Variants in ZFHX4 observed in about 807,000 individuals in gnomAD.
ZFHX4 encodes the protein zinc finger homeobox protein 4.
A neutral mutation model predicts 267.6 loss-of-function variants in ZFHX4; 56 were observed. The observed-to-expected ratio is 0.21, with a 90% CI of 0.17 to 0.26. The LOEUF is 0.26. ZFHX4 is among the 10% of genes least tolerant of loss of function. The pLI is 1.00. For synonymous variants in ZFHX4, 1,778 were observed against 1,665.6 expected, an observed-to-expected ratio of 1.07 and a Z score of -1.64; for missense variants, 4,332 against 4,420.0, an observed-to-expected ratio of 0.98 and a Z score of 0.56.
rs373999113 is a variant in ZFHX4 at position 76,825,422 on chromosome 8, A to G, written c.3326-7916A>G. Among the ~76,000 whole-genome samples the G allele has an allele frequency of 5.9e-4, 90 of 152,358 alleles. No homozygotes were observed. In the Middle Eastern group the frequency reaches 0.02, roughly 35 times the overall value. On this transcript the variant is annotated intron_variant, in intron 4 of 10. Coordinates refer to ENST00000651372, the MANE Select transcript of ZFHX4 (RefSeq NM_024721.5). ...GTATATGGATTTGGTTCTTAACTCC[A>G]TGGCGTTTCTTCCTTGCTCGAAGAG...
intron 3 of ZFHX4, among the ~76,000 whole-genome samples, chr8:76,771,632 T>C (rs7822817): frequency 6.6e-6 from 1 of 151,772 alleles, no homozygotes; most frequent in Non-Finnish European, 1.5e-5. Flanking sequence ...AAGAGATGGG[T>C]TCTCACTTTC....
At chr8:76,750,017 A>C (rs1809572494) in intron 3 of ZFHX4, among the ~76,000 whole-genome samples, 1 of 152,164 alleles carries the variant, frequency 6.6e-6, no homozygotes, top group Non-Finnish European at 1.5e-5. Context: ...TGATAATGTG[A>C]GATTTTTAAA....
Position 76,850,895 on chromosome 8 carries a change from C to G in ZFHX4, c.3974C>G (p.Pro1325Arg), listed in dbSNP as rs760767919. 3 of 1,603,296 alleles carry G rather than the reference C, an allele frequency of 1.9e-6. No homozygotes were observed. The highest frequency in any genetic ancestry group is 2.6e-6 in the Non-Finnish European group (3 of 1,175,072). The change falls in exon 10 of 11, where the codon CCA becomes CGA. Residue 1325 changes from proline (P) to arginine (R), a missense_variant. This residue lies in a region of ZFHX4 where 1,371 missense variants were observed against 1,423.1 expected (regional missense o/e 0.96). Coordinates refer to ENST00000651372, the MANE Select transcript of ZFHX4 (RefSeq NM_024721.5). ...TGCTTTTTCCTAATAGGTGAAAGTC[C>G]AATGGATGACAAAAGCATGGCAGGT... ...EGSGKYSGESPMDDKSMAGLE... is the reference protein window; with the variant it reads ...EGSGKYSGESRMDDKSMAGLE...
intron 10 of ZFHX4, among the ~76,000 whole-genome samples, chr8:76,862,540 T>G: frequency 6.6e-6 from 1 of 152,346 alleles, no homozygotes; most frequent in Middle Eastern, 3.4e-3. Flanking sequence ...CATTTACTAT[T>G]GCTATTTAAT....
chr8:76,705,107 A>C lies in ZFHX4; in HGVS notation c.1019A>C (p.Lys340Thr). ...CTTATAAGCTTTCTGGAACCAAAAA[A>C]ATCCACTTCTGTTTATCCCCATTTT... ...EPLISFLEPKKSTSVYPHFST... is the reference protein window; with the variant it reads ...EPLISFLEPKTSTSVYPHFST... The change falls in exon 2 of 11, where the codon AAA (lysine) becomes ACA (threonine). Residue 340 changes from lysine to threonine, a missense_variant. Lys to Thr is a moderately conservative substitution (Grantham distance 78). Around this residue, in one of 7 missense-constraint regions of ZFHX4, gnomAD observed 1,195 missense variants for 1,173.6 expected, o/e 1.02. Transcript: ENST00000651372. The C allele has an allele frequency of 1.2e-6, 2 of 1,613,662 alleles. No individual in the cohort carries two copies. Among genetic ancestry groups the C allele is most frequent in the Non-Finnish European group, 8.5e-7 (1 of 1,179,824 alleles).
intron 1 of ZFHX4, among the ~76,000 whole-genome samples, chr8:76,697,430 G>A (rs1480772273): frequency 6.6e-6 from 1 of 151,884 alleles, no homozygotes; most frequent in Non-Finnish European, 1.5e-5. Flanking sequence ...AACTTAAAAG[G>A]TTATCAACTA....
At position 76,853,490 on chromosome 8, in the gene ZFHX4, A is replaced by T; in HGVS notation, c.6569A>T (p.Asp2190Val). Residue 2190 changes from aspartate to valine, a missense_variant, in exon 10 of 11, where the codon GAT (aspartate) becomes GTT (valine). Physicochemically the swap from Asp to Val is radical, Grantham distance 152. Around this residue, in one of 7 missense-constraint regions of ZFHX4, gnomAD observed 48 missense variants for 95.4 expected, o/e 0.50. Transcript: ENST00000651372. Reference protein sequence around the residue: ...TLFKERQRNKDSPYNFSNPPI... With the variant: ...TLFKERQRNKVSPYNFSNPPI... ...TTTAAGGAACGACAGAGAAATAAAGATTCACCATACAACTTCAGTAACCCT... is the reference window on the plus strand; with the variant it reads ...TTTAAGGAACGACAGAGAAATAAAGTTTCACCATACAACTTCAGTAACCCT... 6.2e-7 allele frequency: 1 copy of T among 1,613,928 alleles called. No individual in the cohort carries two copies.
chr8:76,741,349 A>G (rs1809310333), intron 3 of ZFHX4, among the ~76,000 whole-genome samples: 1 of 152,196 alleles, frequency 6.6e-6, no homozygotes, highest in East Asian at 1.9e-4. Flanking sequence ...TTGAAAAACT[A>G]CAGCTCTGTT....
At position 76,705,126 on chromosome 8, in the gene ZFHX4, C is replaced by G. The variant is rs751230347; in HGVS notation, c.1038C>G (p.Pro346=). 1 of 1,613,622 alleles carries G rather than the reference C, an allele frequency of 6.2e-7. No individual in the cohort carries two copies. The highest frequency in any genetic ancestry group is 1.7e-5 in the Admixed American group (1 of 59,940). ...LEPKKSTSVY[P]HFSTTNLIGP... ...CAAAAAAATCCACTTCTGTTTATCC[C>G]CATTTTTCTACTACAAACCTCATAG... The change falls in exon 2 of 11, where the codon CCC becomes CCG. Residue 346 remains proline, a synonymous_variant. Coordinates refer to ENST00000651372, the MANE Select transcript of ZFHX4 (RefSeq NM_024721.5).
At chr8:76,845,826 A>AT (rs1034596572) in intron 6 of ZFHX4, among the ~76,000 whole-genome samples, 53 of 152,008 alleles carry the variant, frequency 3.5e-4, no homozygotes, top group Middle Eastern at 6.8e-3. Context: ...ACAGATAATC[A>AT]TTTTTTTCAT....
chr8:76,763,605 A>G (rs1480606508), intron 3 of ZFHX4, among the ~76,000 whole-genome samples: 1 of 152,184 alleles, frequency 6.6e-6, no homozygotes, highest in Non-Finnish European at 1.5e-5. Flanking sequence ...CCTGGGTGAC[A>G]GAGTGAGACC....
intron 4 of ZFHX4, among the ~76,000 whole-genome samples, chr8:76,808,936 C>A (rs1448565699): frequency 1.3e-5 from 2 of 150,712 alleles, no homozygotes; most frequent in Non-Finnish European, 3.0e-5. Context: ...CTCTCTCTCA[C>A]ACACACACAC....
Position 76,866,417 on chromosome 8 carries a change from T to C in ZFHX4, c.*1852T>C, listed in dbSNP as rs1282226155. ...CGGATGATGATCACAGCAATCTTTA[T>C]TCTATACATTTTATGTGAACTTTTT... is the stretch of plus-strand genomic sequence containing the variant. On this transcript the variant is annotated 3_prime_UTR_variant, in exon 11 of 11. Coordinates refer to ENST00000651372, the MANE Select transcript of ZFHX4 (RefSeq NM_024721.5). 1 of 152,552 alleles carries C rather than the reference T, an allele frequency of 6.6e-6. No homozygotes were observed. The highest frequency in any genetic ancestry group is 2.4e-5 in the African/African-American group (1 of 41,448). The allele number at this position is 152,552 out of a possible 1,614,324, so 9.4% of individuals were successfully genotyped here. A position where few individuals can be genotyped will look rare whatever the true frequency, so the allele number is the denominator to read the frequency against.
chr8:76,690,196 C>T (rs1488513325), intron 1 of ZFHX4, among the ~76,000 whole-genome samples: 1 of 152,036 alleles, frequency 6.6e-6, no homozygotes, highest in Non-Finnish European at 1.5e-5. Flanking sequence ...AAAGAAATCA[C>T]TCTGCAAATA....
rs1264639355 is a variant in ZFHX4 at position 76,706,099 on chromosome 8, G to A, written c.2011G>A (p.Gly671Ser). 6.2e-7 allele frequency: 1 copy of A among 1,613,484 alleles called. No homozygotes were observed. Reference sequence around the variant, plus strand: ...TATGAAGGAGAAACACCCTGAGCCGGGTGGCTCTTGTGTTTATTGTAAGAC... The same window carrying A: ...TATGAAGGAGAAACACCCTGAGCCGAGTGGCTCTTGTGTTTATTGTAAGAC... Reference protein sequence around the residue: ...AHMKEKHPEPGGSCVYCKTGQ... With the variant: ...AHMKEKHPEPSGSCVYCKTGQ... Residue 671 changes from glycine (G) to serine (S), a missense_variant, in exon 2 of 11, where the codon GGT becomes AGT. Gly to Ser is a moderately conservative substitution (Grantham distance 56). This residue lies in a region of ZFHX4 where 1,195 missense variants were observed against 1,173.6 expected (regional missense o/e 1.02). Coordinates refer to ENST00000651372, the MANE Select transcript of ZFHX4 (RefSeq NM_024721.5).
At chr8:76,752,429 G>A (rs1187599027) in intron 3 of ZFHX4, among the ~76,000 whole-genome samples, 1 of 145,700 alleles carries the variant, frequency 6.9e-6, no homozygotes, top group Non-Finnish European at 1.5e-5. Context: ...ATCATTTGAG[G>A]TCAGGAGTTC....
chr8:76,826,380 C>T (rs1811786144), intron 4 of ZFHX4, among the ~76,000 whole-genome samples: 1 of 152,120 alleles, frequency 6.6e-6, no homozygotes, highest in African/African-American at 2.4e-5. Flanking sequence ...ACATCCAAAC[C>T]ATATCACCCT....
chr8:76,813,440 G>T (rs905256414), intron 4 of ZFHX4, among the ~76,000 whole-genome samples: 1 of 151,988 alleles, frequency 6.6e-6, no homozygotes, highest in Non-Finnish European at 1.5e-5. Flanking sequence ...TAAAATTTGT[G>T]GTTGAGATTT....
chr8:76,855,635 C>A lies in ZFHX4; in HGVS notation c.8714C>A (p.Ala2905Glu), dbSNP rs1490024210. ...NADRSETSSI[A>E]DPSSPNPFGS... is the part of the protein sequence containing the mutation. ...GACCGCAGCGAAACGTCCAGCATAG[C>A]GGACCCGAGCTCCCCAAATCCATTC... Residue 2905 changes from alanine (A) to glutamate (E), a missense_variant, in exon 10 of 11, where the codon GCG (alanine) becomes GAG (glutamate). Physicochemically the swap from Ala to Glu is moderately radical, Grantham distance 107. Transcript: ENST00000651372. 6.2e-7 allele frequency: 1 copy of A among 1,613,738 alleles called. No individual in the cohort carries two copies. Among genetic ancestry groups the A allele is most frequent in the African/African-American group, 1.3e-5 (1 of 74,918 alleles).
Sources: gnomAD v4.1 joint callset for allele counts (sites outside exome capture counted in the v4.1 genomes callset) on GRCh38, gnomAD v4.1.1 for gene constraint, gnomAD v4.1.1 regional missense constraint, MANE v1.5 for transcripts, NCBI Gene and HGNC (gene_info 2026-07-23, HGNC 2026-07-21) for gene names.